WDFY1: variants seen among roughly 807,000 people sequenced by gnomAD.
The protein encoded by WDFY1 is WD repeat and FYVE domain-containing protein 1.
In WDFY1, 32 loss-of-function variants were observed where a neutral mutation model predicts 56.4. The observed-to-expected ratio is 0.57, with a 90% CI of 0.43 to 0.76. The LOEUF (loss-of-function observed/expected upper bound fraction) is 0.76, where lower values mean the gene tolerates loss of function less well. Ranked by LOEUF, WDFY1 falls within the 30% of genes least tolerant of loss-of-function variation. The pLI is 0.00. For missense variants in WDFY1, 480 were observed against 545.7 expected, an observed-to-expected ratio of 0.88 and a Z score of 1.20; for synonymous variants, 192 against 197.3, an observed-to-expected ratio of 0.97 and a Z score of 0.23.
intron 8 of WDFY1, among the ~76,000 whole-genome samples, chr2:223,891,742 C>T (rs1693283291): frequency 6.6e-6 from 1 of 152,270 alleles, no homozygotes; most frequent in African/African-American, 2.4e-5. Context: ...GTGAAACCCT[C>T]GGGAAAGCCA....
At chr2:223,895,684 A>T in intron 6 of WDFY1, 54 bp from the exon 7 acceptor site, 1 of 1,599,910 alleles carries the variant, frequency 6.3e-7, no homozygotes, top group South Asian at 1.1e-5. Flanking sequence ...AGTAAAATAT[A>T]ACTCTACATC....
intron 1 of WDFY1, among the ~76,000 whole-genome samples, chr2:223,942,629 G>A (rs1475156202): frequency 8.0e-6 from 1 of 125,090 alleles, no homozygotes; most frequent in Non-Finnish European, 1.6e-5. Context: ...TCCGCTTCCC[G>A]GGTTCACGCC....
In WDFY1 at chr2:223,876,987, A is replaced by G. The variant is rs1044301452; in HGVS notation, c.*1684T>C. ...TATGTTAGTAATATACATTTTGCAAAGAGTCTAGAAAGTTTTTAAAAGAAA... is the reference window on the plus strand; with the variant it reads ...TATGTTAGTAATATACATTTTGCAAGGAGTCTAGAAAGTTTTTAAAAGAAA... On this transcript the variant is annotated 3_prime_UTR_variant, in exon 12 of 12. Coordinates refer to ENST00000233055, the MANE Select transcript of WDFY1 (RefSeq NM_020830.5). 13 of 152,220 alleles carry G rather than the reference A, an allele frequency of 8.5e-5. No individual in the cohort carries two copies. The highest frequency in any genetic ancestry group is 1.8e-4 in the Non-Finnish European group (12 of 68,036). 9.4% of individuals were successfully genotyped at this position (152,220 alleles called of 1,614,324 possible).
At chr2:223,898,902 T>C (rs1693448555) in intron 6 of WDFY1, 56 bp downstream of exon 6, 6 of 1,339,212 alleles carry the variant, frequency 4.5e-6, no homozygotes, top group South Asian at 2.4e-5. Flanking sequence ...AGTAGAGAAC[T>C]GAATTTGGAT....
intron 5 of WDFY1, 41 bp downstream of exon 5, chr2:223,901,142 A>G (rs1693500708): frequency 1.9e-6 from 3 of 1,585,094 alleles, no homozygotes; most frequent in Non-Finnish European, 2.6e-6. Flanking sequence ...ACTGAGAAGC[A>G]GAGGCCAGGG....
At chr2:223,878,849 C>A (rs1049131471) in intron 11 of WDFY1, 119 bp from the exon 12 acceptor site, 66 of 1,250,350 alleles carry the variant, frequency 5.3e-5, no homozygotes, top group Non-Finnish European at 6.7e-5. Context: ...AATGAATTTT[C>A]TCATTCTCCT....
At chr2:223,899,312 T>G (rs1327140803) in intron 5 of WDFY1, 6 of 422,532 alleles carry the variant, frequency 1.4e-5, no homozygotes, top group Non-Finnish European at 2.6e-5. Context: ...ATTCATTCAT[T>G]CAACAGGAAC....
chr2:223,883,792 T>G (rs1384246648), intron 9 of WDFY1, among the ~76,000 whole-genome samples: 2 of 152,080 alleles, frequency 1.3e-5, no homozygotes, highest in African/African-American at 4.8e-5. Flanking sequence ...ATTACAGGCG[T>G]CCGCCACCAC....
intron 1 of WDFY1, among the ~76,000 whole-genome samples, chr2:223,920,690 C>T (rs1016389715): frequency 1.3e-5 from 2 of 152,186 alleles, no homozygotes; most frequent in Non-Finnish European, 2.9e-5. Flanking sequence ...GGCTGGTGCA[C>T]GATCCTGAGG....
At chr2:223,942,288 T>C (rs1004392239) in intron 1 of WDFY1, among the ~76,000 whole-genome samples, 3 of 151,774 alleles carry the variant, frequency 2.0e-5, no homozygotes, top group African/African-American at 7.3e-5. Context: ...GGCACAATCT[T>C]GGCTCACTGC....
chr2:223,879,173 C>T (rs564265215), intron 11 of WDFY1, among the ~76,000 whole-genome samples: 2 of 152,082 alleles, frequency 1.3e-5, no homozygotes, highest in African/African-American at 4.8e-5. Flanking sequence ...GGTGACAGAG[C>T]GAGACCTTGT....
At chr2:223,910,864 AC>A (rs1166854026) in intron 3 of WDFY1, among the ~76,000 whole-genome samples, 2 of 152,236 alleles carry the variant, frequency 1.3e-5, no homozygotes, top group Non-Finnish European at 2.9e-5. Context: ...ATAGTTGCTT[AC>A]AAGTTCAATA....
intron 2 of WDFY1, among the ~76,000 whole-genome samples, chr2:223,917,298 T>G (rs1693804722): frequency 6.6e-6 from 1 of 152,174 alleles, no homozygotes; most frequent in Non-Finnish European, 1.5e-5. Context: ...GAGGGCACAG[T>G]CCTTTTTTAG....
At chr2:223,939,170 C>A (rs1253229022) in intron 1 of WDFY1, among the ~76,000 whole-genome samples, 3 of 152,186 alleles carry the variant, frequency 2.0e-5, no homozygotes, top group Non-Finnish European at 4.4e-5. Flanking sequence ...GGCAGAAATG[C>A]CAACTCTCAG....
At chr2:223,878,795 CACAG>C in intron 11 of WDFY1, 65 bp from the exon 12 acceptor site, 2 of 1,571,770 alleles carry the variant, frequency 1.3e-6, no homozygotes, top group Non-Finnish European at 1.7e-6. Flanking sequence ...CAAGAGTCAA[CACAG>C]ACAAACAAAC....
chr2:223,943,454 G>T (rs902564013), intron 1 of WDFY1, among the ~76,000 whole-genome samples: 2 of 152,146 alleles, frequency 1.3e-5, no homozygotes, highest in African/African-American at 2.4e-5. Flanking sequence ...AACAGGAGTT[G>T]GGGGCTTCAG....
At chr2:223,943,110 G>A (rs1297750576) in intron 1 of WDFY1, among the ~76,000 whole-genome samples, 1 of 151,132 alleles carries the variant, frequency 6.6e-6, no homozygotes, top group Non-Finnish European at 1.5e-5. Context: ...GAACCTGGGA[G>A]GCGGAGGTTG....
intron 1 of WDFY1, among the ~76,000 whole-genome samples, chr2:223,926,022 T>C (rs1574777716): frequency 1.3e-5 from 2 of 152,228 alleles, no homozygotes; most frequent in East Asian, 3.8e-4. Flanking sequence ...TACTGACAGT[T>C]TAACCTTCTC....
chr2:223,943,112 C>T (rs1394338230), intron 1 of WDFY1, among the ~76,000 whole-genome samples: 14 of 148,820 alleles, frequency 9.4e-5, no homozygotes, highest in Non-Finnish European at 1.5e-5. Context: ...ACCTGGGAGG[C>T]GGAGGTTGCA....
Sources: gnomAD v4.1 joint callset for allele counts (sites outside exome capture counted in the v4.1 genomes callset) on GRCh38, gnomAD v4.1.1 for gene constraint, MANE v1.5 for transcripts, NCBI Gene and HGNC (gene_info 2026-07-23, HGNC 2026-07-21) for gene names.